Variants in CREB5 observed in about 807,000 individuals in gnomAD.
CREB5 encodes cAMP responsive element binding protein 5, also known as cyclic AMP-responsive element-binding protein 5.
A neutral mutation model predicts 57.1 loss-of-function variants in CREB5; 19 were observed. The ratio of observed to expected loss-of-function variants is 0.33; its 90% CI spans 0.23 to 0.49. CREB5 has a LOEUF of 0.49. CREB5 is among the 20% of genes least tolerant of loss of function. The pLI is 0.99. For synonymous variants in CREB5, 238 were observed against 238.3 expected, an observed-to-expected ratio of 1.00 and a Z score of 0.01; for missense variants, 579 against 671.6, an observed-to-expected ratio of 0.86 and a Z score of 1.52.
intron 9 of CREB5, among the ~76,000 whole-genome samples, chr7:28,811,953 A>G (rs1194270594): frequency 6.6e-6 from 1 of 152,208 alleles, no homozygotes; most frequent in Non-Finnish European, 1.5e-5. Context: ...AGGTTTTCTC[A>G]ATCTTGGCCC....
At chr7:28,369,241 TAC>T (rs1786657124) in intron 1 of CREB5, among the ~76,000 whole-genome samples, 1 of 152,194 alleles carries the variant, frequency 6.6e-6, no homozygotes, top group South Asian at 2.1e-4. Context: ...TACTGTTTGC[TAC>T]AGTTTTATTT....
intron 4 of CREB5, among the ~76,000 whole-genome samples, chr7:28,534,711 C>T (rs1329263014): frequency 7.0e-6 from 1 of 143,618 alleles, no homozygotes; most frequent in Non-Finnish European, 1.6e-5. Context: ...TTTTCAGACA[C>T]CATCTGCATC....
chr7:28,441,484 ATT>A (rs900220093), intron 1 of CREB5, among the ~76,000 whole-genome samples: 6 of 152,192 alleles, frequency 3.9e-5, no homozygotes, highest in African/African-American at 1.4e-4. Flanking sequence ...GCTAATATTT[ATT>A]TTGCCTACCT....
intron 1 of CREB5, among the ~76,000 whole-genome samples, chr7:28,334,792 T>C (rs1785789055): frequency 6.6e-6 from 1 of 152,208 alleles, no homozygotes; most frequent in Non-Finnish European, 1.5e-5. Context: ...TCCAATGTCC[T>C]GGAGAGTTTC....
At chr7:28,536,758 A>G (rs986046156) in intron 4 of CREB5, among the ~76,000 whole-genome samples, 2 of 152,216 alleles carry the variant, frequency 1.3e-5, no homozygotes, top group African/African-American at 4.8e-5. Flanking sequence ...AGTATTGTCT[A>G]TAGTCACAAT....
chr7:28,379,807 T>C (rs1361590300), intron 1 of CREB5, among the ~76,000 whole-genome samples: 1 of 152,238 alleles, frequency 6.6e-6, no homozygotes, highest in African/African-American at 2.4e-5. Context: ...TCAGCACCAC[T>C]TGGAATCTGT....
chr7:28,819,185 C>T lies in CREB5; in HGVS notation c.1433C>T (p.Thr478Ile). ...CSQQQVIQHNTITTSSSVSEV... is the reference protein window; with the variant it reads ...CSQQQVIQHNIITTSSSVSEV... ...CAGCAACAAGTCATCCAGCATAATA[C>T]CATCACTACTTCCTCATCGGTCAGC... The change falls in exon 11 of 11, where the codon ACC (threonine) becomes ATC (isoleucine). Residue 478 changes from threonine to isoleucine, a missense_variant. By Grantham distance (89) the Thr-to-Ile change is moderately conservative (BLOSUM62 -1). Transcript: ENST00000357727. 1.2e-6 allele frequency: 2 copies of T among 1,613,866 alleles called. No individual in the cohort carries two copies. The highest frequency in any genetic ancestry group is 1.7e-6 in the Non-Finnish European group (2 of 1,179,872).
chr7:28,384,832 T>C (rs916953212), intron 1 of CREB5, among the ~76,000 whole-genome samples: 2 of 152,228 alleles, frequency 1.3e-5, no homozygotes, highest in Non-Finnish European at 2.9e-5. Flanking sequence ...GTGAAACTCT[T>C]GCCATAGAAT....
chr7:28,593,183 C>T (rs1432420174), intron 5 of CREB5, among the ~76,000 whole-genome samples: 5 of 152,102 alleles, frequency 3.3e-5, no homozygotes, highest in Non-Finnish European at 7.4e-5. Flanking sequence ...GTGTGTACCA[C>T]CATAGCTACT....
chr7:28,604,605 A>T (rs971984805), intron 5 of CREB5, among the ~76,000 whole-genome samples: 1 of 151,384 alleles, frequency 6.6e-6, no homozygotes, highest in Admixed American at 6.6e-5. Flanking sequence ...CTCAGTAAAT[A>T]ATAAAATAAT....
intron 7 of CREB5, among the ~76,000 whole-genome samples, chr7:28,739,514 G>A (rs917177830): frequency 1.3e-5 from 2 of 152,168 alleles, no homozygotes; most frequent in Non-Finnish European, 2.9e-5. Flanking sequence ...TATTCAAGAA[G>A]CATTTATTAT....
At chr7:28,600,333 C>T (rs1476594233) in intron 5 of CREB5, among the ~76,000 whole-genome samples, 3 of 151,748 alleles carry the variant, frequency 2.0e-5, no homozygotes, top group Non-Finnish European at 4.4e-5. Flanking sequence ...CAGCTAAACT[C>T]GCAGGCGCAA....
intron 7 of CREB5, among the ~76,000 whole-genome samples, chr7:28,756,524 C>G (rs1389528963): frequency 6.7e-6 from 1 of 149,728 alleles, no homozygotes; most frequent in African/African-American, 2.4e-5. Context: ...CCACTGCACT[C>G]TAGCCTGGGC....
At chr7:28,633,465 T>C (rs996805130) in intron 5 of CREB5, among the ~76,000 whole-genome samples, 1 of 152,160 alleles carries the variant, frequency 6.6e-6, no homozygotes, top group Admixed American at 6.5e-5. Flanking sequence ...TATCAAGAGT[T>C]ACCTCTGCTT....
At chr7:28,349,209 A>G (rs1240050649) in intron 1 of CREB5, among the ~76,000 whole-genome samples, 1 of 152,146 alleles carries the variant, frequency 6.6e-6, no homozygotes, top group African/African-American at 2.4e-5. Context: ...GCTCTCAGCA[A>G]GGTTTTCGGA....
intron 2 of CREB5, among the ~76,000 whole-genome samples, chr7:28,489,553 G>A (rs1791713375): frequency 1.3e-5 from 2 of 151,796 alleles, no homozygotes; most frequent in East Asian, 1.9e-4. Context: ...CGCCTGCCTC[G>A]GCCTCCCAAA....
intron 4 of CREB5, among the ~76,000 whole-genome samples, chr7:28,522,350 A>G (rs887725617): frequency 6.6e-6 from 1 of 150,478 alleles, no homozygotes; most frequent in African/African-American, 2.5e-5. Context: ...TGACAAACAC[A>G]TGAAAATATC....
chr7:28,550,647 G>C (rs1488324594), intron 4 of CREB5, among the ~76,000 whole-genome samples: 1 of 152,006 alleles, frequency 6.6e-6, no homozygotes, highest in Admixed American at 6.6e-5. Flanking sequence ...AATGTTCTTG[G>C]GCTGTCCCCA....
At chr7:28,409,713 C>A (rs79111634), upstream of CREB5, 905 of 335,028 alleles carry the variant, frequency 2.7e-3, 9 homozygotes, top group African/African-American at 0.019. The surrounding 1 kb of genome is among the most constrained non-coding windows in gnomAD (Gnocchi z 4.4). Context: ...TGTCCTGAGG[C>A]CACCCTAGAG....
Sources: allele counts gnomAD v4.1 joint callset (sites outside exome capture counted in the v4.1 genomes callset), GRCh38; gene constraint gnomAD v4.1.1; non-coding constraint Gnocchi (gnomAD v3.1); transcripts MANE v1.5; gene names NCBI Gene and HGNC (gene_info 2026-07-23, HGNC 2026-07-21).